STK38L: variants seen among roughly 807,000 people sequenced by gnomAD.
STK38L encodes the protein serine/threonine kinase 38 like, also known as serine/threonine-protein kinase 38-like.
A neutral mutation model predicts 59.7 loss-of-function variants in STK38L; 28 were observed. The observed-to-expected ratio is 0.47, with a 90% confidence interval of 0.35 to 0.64. The LOEUF (loss-of-function observed/expected upper bound fraction) is 0.64. STK38L is among the 30% of genes least tolerant of loss of function. The pLI is 0.01. For synonymous variants in STK38L, 162 were observed against 176.8 expected, an observed-to-expected ratio of 0.92 and a Z score of 0.66; for missense variants, 314 against 555.8, an observed-to-expected ratio of 0.56 and a Z score of 4.37.
At chr12:27,274,960 C>T (rs1255036436) in intron 1 of STK38L, among the ~76,000 whole-genome samples, 3 of 152,090 alleles carry the variant, frequency 2.0e-5, no homozygotes, top group Non-Finnish European at 4.4e-5. Context: ...CCCTTCCATT[C>T]CTCCCCTCTT....
Position 27,322,076 on chromosome 12 carries a change from T to C in STK38L, c.1176-67T>C, listed in dbSNP as rs1008121413. ...TAGAATAGTATGCAGAATTTACAAG[T>C]AGAATTATTTGTTGGAAATTGAGAG... On this transcript the variant is annotated intron_variant, in intron 12 of 13. Coordinates refer to ENST00000389032, the MANE Select transcript of STK38L (RefSeq NM_015000.4). 6 of 1,389,828 alleles carry C rather than the reference T, an allele frequency of 4.3e-6. No homozygotes were observed. The Admixed American group carries it at 9.5e-5, about 22-fold the overall frequency. 86.1% of individuals were successfully genotyped at this position (1,389,828 alleles called of 1,614,324 possible).
chr12:27,310,033 G>C (rs1470445848), intron 5 of STK38L, among the ~76,000 whole-genome samples: 1 of 152,172 alleles, frequency 6.6e-6, no homozygotes, highest in Non-Finnish European at 1.5e-5. Context: ...TTTCAGGTGC[G>C]GGAAAGCAGA....
At chr12:27,268,518 T>C (rs1306685766) in intron 1 of STK38L, among the ~76,000 whole-genome samples, 3 of 152,240 alleles carry the variant, frequency 2.0e-5, no homozygotes, top group Non-Finnish European at 4.4e-5. Flanking sequence ...CAGTCTATCG[T>C]TGTTGGACAT....
At chr12:27,293,369 T>C (rs1048460407) in intron 1 of STK38L, among the ~76,000 whole-genome samples, 1 of 152,208 alleles carries the variant, frequency 6.6e-6, no homozygotes, top group Non-Finnish European at 1.5e-5. Context: ...CTTGTGTGTT[T>C]TAGATTCCAC....
chr12:27,312,151 T>G (rs1234339139), intron 5 of STK38L, among the ~76,000 whole-genome samples: 2 of 152,214 alleles, frequency 1.3e-5, no homozygotes, highest in African/African-American at 4.8e-5. Flanking sequence ...AGTGCTGGGA[T>G]TACAGGCGTG....
At chr12:27,309,244 C>A in intron 5 of STK38L, 47 bp downstream of exon 5, 1 of 1,403,536 alleles carries the variant, frequency 7.1e-7, no homozygotes, top group Non-Finnish European at 9.8e-7. Context: ...TCCACTGACG[C>A]AGTGTTAAGA....
At chr12:27,254,671 C>T (rs544375962) in intron 1 of STK38L, among the ~76,000 whole-genome samples, 23 of 152,136 alleles carry the variant, frequency 1.5e-4, no homozygotes, top group South Asian at 1.0e-3. Flanking sequence ...TCTAGGCCAG[C>T]GGTTGGCAGC....
chr12:27,259,405 C>T (rs1407680460), intron 1 of STK38L, among the ~76,000 whole-genome samples: 2 of 152,108 alleles, frequency 1.3e-5, no homozygotes, highest in African/African-American at 4.8e-5. Flanking sequence ...GGCCGCTTCA[C>T]GTGTCATGGG....
At chr12:27,267,390 G>A (rs1399846431) in intron 1 of STK38L, among the ~76,000 whole-genome samples, 1 of 152,144 alleles carries the variant, frequency 6.6e-6, no homozygotes, top group Non-Finnish European at 1.5e-5. Context: ...AGACCAGCTT[G>A]TTCAATAAAG....
At chr12:27,278,942 T>A (rs1943593748) in intron 1 of STK38L, among the ~76,000 whole-genome samples, 1 of 152,152 alleles carries the variant, frequency 6.6e-6, no homozygotes, top group Non-Finnish European at 1.5e-5. Flanking sequence ...TTTCTAGAAT[T>A]CATATGAAAA....
At chr12:27,288,984 T>A (rs1350015235) in intron 1 of STK38L, among the ~76,000 whole-genome samples, 1 of 152,170 alleles carries the variant, frequency 6.6e-6, no homozygotes, top group African/African-American at 2.4e-5. Context: ...GGGATGCCCA[T>A]ACTATCTAAA....
At chr12:27,313,900 T>A (rs1019447918) in intron 6 of STK38L, among the ~76,000 whole-genome samples, 1 of 152,142 alleles carries the variant, frequency 6.6e-6, no homozygotes, top group Non-Finnish European at 1.5e-5. Flanking sequence ...CTTATTCTGA[T>A]TTTTTTGCAG....
intron 1 of STK38L, among the ~76,000 whole-genome samples, chr12:27,262,695 ACTCTAT>A (rs1481724136): frequency 8.6e-6 from 1 of 116,262 alleles, no homozygotes; most frequent in East Asian, 3.2e-4. Flanking sequence ...ATGGAGTGGG[ACTCTAT>A]CTCTAATTAA....
At chr12:27,309,274 T>TAAG in intron 5 of STK38L, 77 bp downstream of exon 5, 3 of 1,094,390 alleles carry the variant, frequency 2.7e-6, no homozygotes, top group Non-Finnish European at 3.8e-6. Context: ...TTAGAATTTT[T>TAAG]AAGAAGCAGT....
chr12:27,248,415 C>T (rs1359655206), intron 1 of STK38L, among the ~76,000 whole-genome samples: 2 of 152,092 alleles, frequency 1.3e-5, no homozygotes, highest in Admixed American at 1.3e-4. Context: ...AAATGTCCAC[C>T]TGATTTTATT....
chr12:27,250,413 T>C (rs1411624575), intron 1 of STK38L, among the ~76,000 whole-genome samples: 1 of 152,172 alleles, frequency 6.6e-6, no homozygotes, highest in Non-Finnish European at 1.5e-5. Context: ...TGGTAATATA[T>C]AGATTTAGCT....
intron 1 of STK38L, among the ~76,000 whole-genome samples, chr12:27,255,395 A>G (rs1437711723): frequency 6.6e-6 from 1 of 152,226 alleles, no homozygotes; most frequent in African/African-American, 2.4e-5. Flanking sequence ...TAGAACTTAC[A>G]CAAGATATTG....
intron 7 of STK38L, 40 bp downstream of exon 7, chr12:27,314,698 T>A: frequency 6.5e-7 from 1 of 1,548,900 alleles, no homozygotes; most frequent in Non-Finnish European, 8.7e-7. Context: ...CTGTTGATTA[T>A]TTTTTAGAGC....
rs888813287 is a variant in STK38L at position 27,308,623 on chromosome 12, G to A, written c.309+162G>A. Among the ~76,000 whole-genome samples the A allele has an allele frequency of 2.0e-5, 3 of 151,930 alleles. No homozygotes were observed. Among genetic ancestry groups the A allele is most frequent in the Non-Finnish European group, 4.4e-5 (3 of 67,990 alleles). On this transcript the variant is annotated intron_variant, in intron 4 of 13. Transcript: ENST00000389032. The surrounding 1 kb of genome is among the most constrained non-coding windows in gnomAD (Gnocchi z 4.5). The stretch of plus-strand genomic sequence containing the variant: ...GTGGATCGCCTGAGGTCAGGAGTTC[G>A]AGACCAGCCTGGCCAGTGAAACCCC...
Sources: allele counts gnomAD v4.1 joint callset (sites outside exome capture counted in the v4.1 genomes callset), GRCh38; gene constraint gnomAD v4.1.1; non-coding constraint Gnocchi (gnomAD v3.1); transcripts MANE v1.5; gene names NCBI Gene and HGNC (gene_info 2026-07-23, HGNC 2026-07-21).